The following VXN variants were observed in gnomAD, a reference collection of about 807,000 sequenced individuals.
VXN encodes uncharacterized protein C8orf46.
In VXN, 7 loss-of-function variants were observed where a neutral mutation model predicts 23.1. That is an observed-to-expected ratio of 0.30 (90% confidence interval 0.17 to 0.57). VXN has a LOEUF of 0.57. VXN is among the 20% of genes least tolerant of loss of function. The pLI is 0.91. For synonymous variants in VXN, 120 were observed against 105.8 expected, an observed-to-expected ratio of 1.13 and a Z score of -0.83; for missense variants, 238 against 272.6, an observed-to-expected ratio of 0.87 and a Z score of 0.89.
Position 66,516,059 on chromosome 8 carries a change from G to A in VXN, c.607G>A (p.Ala203Thr), listed in dbSNP as rs757732888. 6.8e-6 allele frequency: 11 copies of A among 1,610,104 alleles called. No individual in the cohort carries two copies. Among genetic ancestry groups the A allele is most frequent in the African/African-American group, 1.3e-5 (1 of 74,850 alleles). Residue 203 changes from alanine to threonine, a missense_variant, in exon 6 of 6, where the codon GCC becomes ACC. Ala to Thr is a moderately conservative substitution (Grantham distance 58). Around this residue, in one of 2 missense-constraint regions of VXN, gnomAD observed 223 missense variants for 236.9 expected, o/e 0.94. Coordinates refer to ENST00000305454, the MANE Select transcript of VXN (RefSeq NM_152765.4). ...TGAATATGTGGGAGCCACCAACAGC[G>A]CCTTTGAGGCCGACTAAAGGTGACC... ...KSEYVGATNS[A>T]FEAD is the part of the protein sequence containing the mutation.
chr8:66,494,817 A>T (rs1019193877), intron 1 of VXN: 1 of 152,148 alleles, frequency 6.6e-6, no homozygotes, highest in Non-Finnish European at 1.5e-5. Flanking sequence ...TTACCCCTGG[A>T]TGTTCACGGT....
chr8:66,510,148 A>G lies in VXN; in HGVS notation c.333A>G (p.Gly111=), dbSNP rs1807805548. 3.7e-6 allele frequency: 6 copies of G among 1,612,246 alleles called. No individual in the cohort carries two copies. Among genetic ancestry groups the G allele is most frequent in the Non-Finnish European group, 5.1e-6 (6 of 1,179,202 alleles). The change falls in exon 4 of 6, where the codon GGA becomes GGG. Residue 111 remains glycine, a synonymous_variant. Transcript: ENST00000305454. ...ATCTGTGTGGGAATCGAGCATATGG[A>G]AAATCTCTGGTAAGTAAAATAAGCC... ...TSNLCGNRAY[G]KSLIPPVPRI... is the part of the protein sequence containing the mutation.
chr8:66,516,147 A>T lies in VXN; in HGVS notation c.*71A>T. 1.4e-6 allele frequency: 2 copies of T among 1,405,252 alleles called. No homozygotes were observed. Among genetic ancestry groups the T allele is most frequent in the Non-Finnish European group, 1.9e-6 (2 of 1,055,446 alleles). The allele number at this position is 1,405,252 out of a possible 1,614,324, so 87.0% of individuals were successfully genotyped here. A position where few individuals can be genotyped will look rare whatever the true frequency, so the allele number is the denominator to read the frequency against. Reference sequence around the variant, plus strand: ...CAAGAGGAAAAACCTTCAGGATTGAAACTGAGCCACACGCACCTCTGCTAG... The same window carrying T: ...CAAGAGGAAAAACCTTCAGGATTGATACTGAGCCACACGCACCTCTGCTAG... On this transcript the variant is annotated 3_prime_UTR_variant, in exon 6 of 6. Coordinates refer to ENST00000305454, the MANE Select transcript of VXN (RefSeq NM_152765.4).
In VXN at chr8:66,499,595, G is replaced by A. The variant is rs530231812; in HGVS notation, c.126+3103G>A. On this transcript the variant is annotated intron_variant, in intron 2 of 5. Coordinates refer to ENST00000305454, the MANE Select transcript of VXN (RefSeq NM_152765.4). ...GTTTGAGACACAGTCTCACTCTGTC[G>A]CCCAGGCTGGAGTGCAGTGGCACCA... Among the ~76,000 whole-genome samples, 20 of 150,750 alleles carry A rather than the reference G, an allele frequency of 1.3e-4. No individual in the cohort carries two copies. In the South Asian group the frequency reaches 3.6e-3, roughly 27 times the overall value.
In VXN at chr8:66,493,631, C is replaced by T. The variant is rs2555584; in HGVS notation, c.-18C>T. On this transcript the variant is annotated 5_prime_UTR_variant, in exon 1 of 6. Transcript: ENST00000305454. ...AGAGGCCTCCAGTTCCCAGGCACTTCGGGAAGAGGAGGCTGAAATGATGCA... is the reference window on the plus strand; with the variant it reads ...AGAGGCCTCCAGTTCCCAGGCACTTTGGGAAGAGGAGGCTGAAATGATGCA... 9.6e-4 allele frequency: 1,554 copies of T among 1,610,998 alleles called. 15 individuals are homozygous for T. The South Asian group carries it at 0.013, about 13-fold the overall frequency.
intron 2 of VXN, among the ~76,000 whole-genome samples, chr8:66,498,347 A>G (rs2130542374): frequency 6.6e-6 from 1 of 152,226 alleles, no homozygotes; most frequent in East Asian, 1.9e-4. Flanking sequence ...AAAAAAAATA[A>G]TAATAATGTC....
chr8:66,499,947 G>A (rs1456412921), intron 2 of VXN, among the ~76,000 whole-genome samples: 2 of 151,390 alleles, frequency 1.3e-5, no homozygotes, highest in Non-Finnish European at 2.9e-5. Context: ...GGCTGGTTTT[G>A]AACTCTTGGG....
rs1586518966 is a variant in VXN at position 66,505,360 on chromosome 8, T to C, written c.127-15T>C. ...AGCAGAGGAGTGGGCTAACCGCGTT[T>C]CCCCCGCCCGGCAGGTGGTGATCGA... is the stretch of plus-strand genomic sequence containing the variant. On this transcript the variant is annotated splice_polypyrimidine_tract_variant and intron_variant, in intron 2 of 5. Transcript: ENST00000305454. The C allele has an allele frequency of 2.5e-6, 4 of 1,573,422 alleles. No homozygotes were observed. The highest frequency in any genetic ancestry group is 3.4e-6 in the Non-Finnish European group (4 of 1,159,858).
chr8:66,513,683 CCTG>C, intron 5 of VXN, 46 bp downstream of exon 5: 1 of 1,506,416 alleles, frequency 6.6e-7, no homozygotes, highest in Non-Finnish European at 9.2e-7. Flanking sequence ...CTCCCACTGT[CCTG>C]ATCCTTCCTT....
chr8:66,506,855 C>T (rs1015441496), intron 3 of VXN, among the ~76,000 whole-genome samples: 14 of 128,014 alleles, frequency 1.1e-4, no homozygotes, highest in African/African-American at 4.2e-4. Context: ...ATTAGGAAAA[C>T]CACAATCTGC....
chr8:66,496,830 G>A (rs997933942), intron 2 of VXN, among the ~76,000 whole-genome samples: 22 of 152,028 alleles, frequency 1.4e-4, no homozygotes, highest in South Asian at 2.1e-4. Context: ...GTTGGCATTC[G>A]TAATGTTCCA....
In VXN at chr8:66,513,649, G is replaced by A. The variant is rs748598944; in HGVS notation, c.440+12G>A. 1.3e-5 allele frequency: 21 copies of A among 1,609,178 alleles called. No homozygotes were observed. The highest frequency in any genetic ancestry group is 6.6e-5 in the South Asian group (6 of 90,896). Reference sequence around the variant, plus strand: ...GTTCTGATGAGAGGGTAAGTGCTGCGTCTCTGGCCCCACTGCCTGTGGCCT... The same window carrying A: ...GTTCTGATGAGAGGGTAAGTGCTGCATCTCTGGCCCCACTGCCTGTGGCCT... On this transcript the variant is annotated intron_variant, in intron 5 of 5. Coordinates refer to ENST00000305454, the MANE Select transcript of VXN (RefSeq NM_152765.4).
chr8:66,499,231 T>G (rs1484103421), intron 2 of VXN, among the ~76,000 whole-genome samples: 3 of 149,298 alleles, frequency 2.0e-5, no homozygotes, highest in Non-Finnish European at 3.0e-5. Context: ...GTTTTTTTTT[T>G]TTTTTTTTTT....
intron 3 of VXN, among the ~76,000 whole-genome samples, chr8:66,509,119 G>A (rs941917234): frequency 6.6e-6 from 1 of 152,154 alleles, no homozygotes; most frequent in East Asian, 1.9e-4. Context: ...GTTACGCCAG[G>A]GCTCCATTCA....
chr8:66,511,340 C>A (rs1807822217), intron 4 of VXN, among the ~76,000 whole-genome samples: 1 of 152,152 alleles, frequency 6.6e-6, no homozygotes, highest in Non-Finnish European at 1.5e-5. Context: ...CGGAAGAGAC[C>A]CAAGTTATTG....
chr8:66,506,813 C>T (rs754972894), intron 3 of VXN, among the ~76,000 whole-genome samples: 1 of 146,760 alleles, frequency 6.8e-6, no homozygotes, highest in African/African-American at 2.5e-5. Flanking sequence ...TAAGTGGTTA[C>T]ATACACATAT....
chr8:66,499,181 A>G (rs1209557732), intron 2 of VXN, among the ~76,000 whole-genome samples: 2 of 150,108 alleles, frequency 1.3e-5, no homozygotes, highest in Non-Finnish European at 3.0e-5. Context: ...TGTTTAGTCC[A>G]GAGCCTGACA....
chr8:66,511,099 G>A (rs935904013), intron 4 of VXN, among the ~76,000 whole-genome samples: 1 of 152,160 alleles, frequency 6.6e-6, no homozygotes, highest in Non-Finnish European at 1.5e-5. Context: ...AGAGCTTTCT[G>A]CTACCCACCC....
intron 1 of VXN, among the ~76,000 whole-genome samples, chr8:66,495,709 T>G (rs1195800525): frequency 6.6e-6 from 1 of 152,242 alleles, no homozygotes; most frequent in Non-Finnish European, 1.5e-5. Flanking sequence ...CCAAGTAACA[T>G]GTTTAATGGT....
Sources: allele counts gnomAD v4.1 joint callset (sites outside exome capture counted in the v4.1 genomes callset), GRCh38; gene constraint gnomAD v4.1.1; regional missense constraint gnomAD v4.1.1; transcripts MANE v1.5; gene names NCBI Gene and HGNC (gene_info 2026-07-23, HGNC 2026-07-21).